PRKN: variants seen among roughly 807,000 people sequenced by gnomAD.
The protein encoded by PRKN is E3 ubiquitin-protein ligase parkin.
PRKN carries 56 observed loss-of-function variants against 59.5 expected under a neutral mutation model. That is an observed-to-expected ratio of 0.94 (90% CI 0.76 to 1.18). The LOEUF is 1.18. Among genes scored for constraint, PRKN ranks in the 50% most tolerant of loss-of-function variants. PRKN has a pLI of 0.00. For missense variants in PRKN, 657 were observed against 596.4 expected, an observed-to-expected ratio of 1.10 and a Z score of -1.06; for synonymous variants, 250 against 222.1, an observed-to-expected ratio of 1.13 and a Z score of -1.12.
chr6:162,240,096 G>C (rs1421328100), intron 3 of PRKN, among the ~76,000 whole-genome samples: 3 of 152,116 alleles, frequency 2.0e-5, no homozygotes, highest in African/African-American at 7.2e-5. Context: ...ATCCCAACCG[G>C]CAGGTTTTAC....
rs953466188 is a variant in PRKN, at chr6:161,390,205, TC to T, written c.1084-3329del. ...GGTTTTCAATTACATTATCCAGGAC[TC>T]AAGACTCTCAACCTTCAGTTCTCAC... On this transcript the variant is annotated intron_variant, in intron 9 of 11. Transcript: ENST00000366898. This position sits in a 1 kb window ranked among gnomAD's most constrained non-coding sequence, Gnocchi z 7.0. 5.3e-5 allele frequency among the ~76,000 whole-genome samples: 8 copies of T among 152,340 alleles called. No homozygotes were observed. The highest frequency in any genetic ancestry group is 1.9e-4 in the African/African-American group (8 of 41,582).
At chr6:162,010,320 ATT>A (rs1277291752) in intron 5 of PRKN, among the ~76,000 whole-genome samples, 2 of 124,900 alleles carry the variant, frequency 1.6e-5, no homozygotes, top group African/African-American at 3.1e-5. Flanking sequence ...TATTTTATAT[ATT>A]TATAATATAT....
intron 2 of PRKN, among the ~76,000 whole-genome samples, chr6:162,294,822 T>C (rs1293427366): frequency 6.6e-6 from 1 of 152,096 alleles, no homozygotes; most frequent in Non-Finnish European, 1.5e-5. Flanking sequence ...GGGATGTAAG[T>C]AATGCAGATT....
chr6:162,325,937 T>A (rs1783250920), intron 2 of PRKN, among the ~76,000 whole-genome samples: 1 of 152,130 alleles, frequency 6.6e-6, no homozygotes. Flanking sequence ...TTTGCAAACA[T>A]CCGTGGTCAT....
chr6:162,299,228 T>C (rs1781830202), intron 2 of PRKN, among the ~76,000 whole-genome samples: 1 of 152,138 alleles, frequency 6.6e-6, no homozygotes, highest in Non-Finnish European at 1.5e-5. Context: ...GGTGGGACGC[T>C]GCCCATGACA....
chr6:162,380,031 A>G (rs1266527773), intron 2 of PRKN, among the ~76,000 whole-genome samples: 1 of 152,138 alleles, frequency 6.6e-6, no homozygotes, highest in Non-Finnish European at 1.5e-5. Flanking sequence ...CAATATCCAG[A>G]GATAAACAGG....
chr6:161,705,335 A>G (rs887145556), intron 7 of PRKN, among the ~76,000 whole-genome samples: 4 of 152,360 alleles, frequency 2.6e-5, no homozygotes, highest in Admixed American at 2.6e-4. Context: ...ACAATCTGAC[A>G]TGAAACAAGT....
At chr6:162,301,318 C>A (rs1020091116) in intron 2 of PRKN, among the ~76,000 whole-genome samples, 1 of 151,526 alleles carries the variant, frequency 6.6e-6, no homozygotes, top group Admixed American at 6.6e-5. Context: ...TAGTCAAAGA[C>A]GCAGACTCAG....
intron 9 of PRKN, among the ~76,000 whole-genome samples, chr6:161,537,316 A>G (rs751943814): frequency 6.6e-6 from 1 of 152,250 alleles, no homozygotes; most frequent in East Asian, 1.9e-4. Context: ...ATAAAATTTC[A>G]TCTTATTTCT....
chr6:162,700,279 A>G (rs1213102291), intron 1 of PRKN, among the ~76,000 whole-genome samples: 1 of 152,178 alleles, frequency 6.6e-6, no homozygotes, highest in Admixed American at 6.5e-5. Context: ...AGAGGGTAGA[A>G]AAGAAGCTTT....
At chr6:161,813,992 G>T (rs757026272) in intron 6 of PRKN, among the ~76,000 whole-genome samples, 1 of 152,200 alleles carries the variant, frequency 6.6e-6, no homozygotes, top group Non-Finnish European at 1.5e-5. Flanking sequence ...CAGGTAAAAT[G>T]GACAGAGGTG....
intron 5 of PRKN, among the ~76,000 whole-genome samples, chr6:162,002,888 AGAAGTTT>A (rs1457814839): frequency 6.6e-6 from 1 of 151,994 alleles, no homozygotes; most frequent in African/African-American, 2.4e-5. Context: ...TGTGTTACTG[AGAAGTTT>A]GTGTTTAATT....
intron 1 of PRKN, among the ~76,000 whole-genome samples, chr6:162,537,819 T>C (rs7349868): frequency 0.18 from 27,919 of 152,120 alleles, 3,220 homozygotes; most frequent in East Asian, 0.49. Context: ...TTGTCACTTA[T>C]GTGTATGTGG....
At chr6:162,170,900 T>G (rs1353510086) in intron 4 of PRKN, among the ~76,000 whole-genome samples, 2 of 150,764 alleles carry the variant, frequency 1.3e-5, no homozygotes, top group African/African-American at 2.5e-5. Context: ...TTCAATAAAT[T>G]TAATAAGAAA....
intron 5 of PRKN, among the ~76,000 whole-genome samples, chr6:162,033,124 T>G (rs539009005): frequency 6.6e-6 from 1 of 152,334 alleles, no homozygotes; most frequent in Non-Finnish European, 1.5e-5. Context: ...TGATCTCGCC[T>G]CCATCACTTT....
At chr6:162,291,783 C>T (rs764897326) in intron 2 of PRKN, among the ~76,000 whole-genome samples, 5 of 151,994 alleles carry the variant, frequency 3.3e-5, no homozygotes, top group East Asian at 3.9e-4. Context: ...TCTCCAAAGA[C>T]GTTTTCTCCA....
intron 5 of PRKN, among the ~76,000 whole-genome samples, chr6:162,040,988 C>T (rs1255432475): frequency 6.6e-6 from 1 of 151,382 alleles, no homozygotes; most frequent in Non-Finnish European, 1.5e-5. Flanking sequence ...AGTTCAAGAC[C>T]AGCCTGGCCA....
chr6:161,952,265 G>T (rs963569414), intron 6 of PRKN, among the ~76,000 whole-genome samples: 2 of 152,098 alleles, frequency 1.3e-5, no homozygotes, highest in Admixed American at 6.5e-5. Context: ...AAAAAATGTT[G>T]TGAAAAAGAT....
intron 9 of PRKN, among the ~76,000 whole-genome samples, chr6:161,481,242 A>G (rs1791380855): frequency 6.6e-6 from 1 of 152,068 alleles, no homozygotes; most frequent in South Asian, 2.1e-4. Flanking sequence ...ATTCCTATCA[A>G]CTCTCCCACC....
Sources: gnomAD v4.1 joint callset for allele counts (sites outside exome capture counted in the v4.1 genomes callset) on GRCh38, gnomAD v4.1.1 for gene constraint, Gnocchi (gnomAD v3.1) non-coding constraint, MANE v1.5 for transcripts, NCBI Gene and HGNC (gene_info 2026-07-23, HGNC 2026-07-21) for gene names.